EYS: variants seen among roughly 807,000 people sequenced by gnomAD.
EYS encodes protein eyes shut homolog.
In EYS, 250 loss-of-function variants were observed where a neutral mutation model predicts 282.1. The ratio of observed to expected loss-of-function variants is 0.89; its 90% confidence interval spans 0.80 to 0.98. EYS has a LOEUF of 0.98. EYS is among the 50% of genes least tolerant of loss of function. The probability of loss-of-function intolerance (pLI) is 0.00; values close to 1 mark genes in which losing one functional copy is unlikely to be tolerated. For synonymous variants in EYS, 1,355 were observed against 1,282.9 expected, an observed-to-expected ratio of 1.06 and a Z score of -1.20; for missense variants, 4,016 against 3,709.0, an observed-to-expected ratio of 1.08 and a Z score of -2.15.
At chr6:64,573,509 A>G (rs1765789156) in intron 26 of EYS, among the ~76,000 whole-genome samples, 1 of 152,206 alleles carries the variant, frequency 6.6e-6, no homozygotes, top group African/African-American at 2.4e-5. Flanking sequence ...AAATGGGAGA[A>G]AAGTTTTCCA....
intron 5 of EYS, among the ~76,000 whole-genome samples, chr6:65,446,664 G>A (rs941162283): frequency 2.6e-5 from 4 of 151,794 alleles, no homozygotes; most frequent in Non-Finnish European, 1.5e-5. Context: ...GAAAAGCAAA[G>A]AAAAAGCAAA....
intron 11 of EYS, among the ~76,000 whole-genome samples, chr6:65,328,576 A>C (rs1769687939): frequency 6.6e-6 from 1 of 151,210 alleles, no homozygotes; most frequent in African/African-American, 2.4e-5. Flanking sequence ...TTGAGAAATC[A>C]AATTGGACTA....
Position 64,553,011 on chromosome 6 carries a change from G to T in EYS, c.5644+37212C>A, listed in dbSNP as rs577146242. Among the ~76,000 whole-genome samples, 57 of 136,826 alleles carry T rather than the reference G, an allele frequency of 4.2e-4. 1 individual carries two copies. Among genetic ancestry groups the T allele is most frequent in the African/African-American group, 1.4e-3 (51 of 36,342 alleles). 89.8% of individuals were successfully genotyped at this position (136,826 alleles called of 152,430 possible). Reference sequence around the variant, plus strand: ...CTCCCTACCCACTTCAAGTTGTCCCGACTTTCTGTACAGATTCAATCAATG... The same window carrying T: ...CTCCCTACCCACTTCAAGTTGTCCCTACTTTCTGTACAGATTCAATCAATG... On this transcript the variant is annotated intron_variant, in intron 26 of 42. Transcript: ENST00000503581.
At chr6:64,317,771 A>G (rs1228343700) in intron 29 of EYS, among the ~76,000 whole-genome samples, 1 of 152,152 alleles carries the variant, frequency 6.6e-6, no homozygotes, top group Non-Finnish European at 1.5e-5. Context: ...AAAGACTTGG[A>G]ACCAACCCAA....
intron 22 of EYS, among the ~76,000 whole-genome samples, chr6:64,701,559 T>G (rs999387847): frequency 6.6e-6 from 1 of 152,110 alleles, no homozygotes; most frequent in Non-Finnish European, 1.5e-5. Context: ...ATTCAAAACA[T>G]GTATAGAACT....
chr6:64,517,924 CT>C (rs147007554), intron 26 of EYS, among the ~76,000 whole-genome samples: 1,681 of 151,896 alleles, frequency 0.011, 33 homozygotes, highest in East Asian at 0.082. Context: ...ACATTTAGCC[CT>C]TTGCTCTTTT....
intron 12 of EYS, among the ~76,000 whole-genome samples, chr6:65,124,828 T>C (rs1775671961): frequency 6.6e-6 from 1 of 152,176 alleles, no homozygotes; most frequent in African/African-American, 2.4e-5. Context: ...TGTCCCCCAT[T>C]ACACACCTCT....
chr6:64,549,860 A>G (rs1248472115), intron 26 of EYS, among the ~76,000 whole-genome samples: 1 of 151,318 alleles, frequency 6.6e-6, no homozygotes, highest in African/African-American at 2.4e-5. Context: ...AACATTAGGT[A>G]TATCTCCTAA....
At position 65,418,236 on chromosome 6, in the gene EYS, T is replaced by C. The variant is rs77005555; in HGVS notation, c.863-12869A>G. Among the ~76,000 whole-genome samples, 1,389 of 152,198 alleles carry C rather than the reference T, an allele frequency of 9.1e-3. 28 individuals are homozygous for C. The highest frequency in any genetic ancestry group is 0.031 in the African/African-American group (1,307 of 41,548). On this transcript the variant is annotated intron_variant, in intron 5 of 42. Transcript: ENST00000503581. Reference sequence around the variant, plus strand: ...ACTACATTTCCAGTTAGAAAAGTAATTTTGAGCAACACAATCAAAATGATG... The same window carrying C: ...ACTACATTTCCAGTTAGAAAAGTAACTTTGAGCAACACAATCAAAATGATG...
chr6:64,963,517 A>G (rs956869630), intron 14 of EYS, among the ~76,000 whole-genome samples: 1 of 152,178 alleles, frequency 6.6e-6, no homozygotes, highest in Non-Finnish European at 1.5e-5. Flanking sequence ...ACTTTTATGC[A>G]AGCAATTTCT....
chr6:63,745,632 T>TTAA (rs1217319064), intron 41 of EYS, among the ~76,000 whole-genome samples: 2 of 152,170 alleles, frequency 1.3e-5, no homozygotes, highest in African/African-American at 4.8e-5. Flanking sequence ...ACTAAGGAAA[T>TTAA]TTTAAAGAAT....
chr6:64,025,187 C>A (rs1769431529), intron 33 of EYS, among the ~76,000 whole-genome samples: 1 of 151,672 alleles, frequency 6.6e-6, no homozygotes, highest in African/African-American at 2.4e-5. Context: ...ACACGGGTGC[C>A]AGGCTTTCTG....
At chr6:63,844,934 A>G (rs1435320286) in intron 36 of EYS, among the ~76,000 whole-genome samples, 1 of 152,082 alleles carries the variant, frequency 6.6e-6, no homozygotes, top group Non-Finnish European at 1.5e-5. Context: ...AATATTTGCT[A>G]ATGCCTATGT....
intron 36 of EYS, chr6:63,806,962 T>A (rs1237742215): frequency 2.0e-5 from 3 of 152,206 alleles, no homozygotes. Context: ...GCTGAGATGC[T>A]TCTTAAGTAA....
At chr6:65,248,860 T>A (rs1392433734) in intron 12 of EYS, among the ~76,000 whole-genome samples, 1 of 151,938 alleles carries the variant, frequency 6.6e-6, no homozygotes, top group Non-Finnish European at 1.5e-5. Context: ...CAGATTGATA[T>A]GTATGTGTTC....
At chr6:65,055,382 G>A (rs558085386) in intron 13 of EYS, among the ~76,000 whole-genome samples, 1 of 152,032 alleles carries the variant, frequency 6.6e-6, no homozygotes, top group Non-Finnish European at 1.5e-5. Context: ...CAGTTGCAAG[G>A]ATAGTACAGA....
intron 2 of EYS, among the ~76,000 whole-genome samples, chr6:65,513,062 A>C (rs1475475432): frequency 6.6e-6 from 1 of 152,198 alleles, no homozygotes; most frequent in Non-Finnish European, 1.5e-5. Context: ...TAAAGAAGAA[A>C]AGAGAGAAGA....
chr6:64,997,290 T>A (rs2150125739), intron 14 of EYS, among the ~76,000 whole-genome samples: 1 of 152,258 alleles, frequency 6.6e-6, no homozygotes, highest in East Asian at 1.9e-4. Context: ...TCAGAATAAA[T>A]TCTGAAATTT....
At chr6:64,368,445 A>G (rs534628895) in intron 29 of EYS, among the ~76,000 whole-genome samples, 1 of 152,274 alleles carries the variant, frequency 6.6e-6, no homozygotes, top group African/African-American at 2.4e-5. Context: ...ATATTCTTCT[A>G]GGAATCCAAT....
Sources: gnomAD v4.1 joint callset for allele counts (sites outside exome capture counted in the v4.1 genomes callset) on GRCh38, gnomAD v4.1.1 for gene constraint, MANE v1.5 for transcripts, NCBI Gene and HGNC (gene_info 2026-07-23, HGNC 2026-07-21) for gene names.